The following MID1 variants were observed in gnomAD, a reference collection of about 807,000 sequenced individuals.
MID1 encodes E3 ubiquitin-protein ligase Midline-1.
In MID1, 7 loss-of-function variants were observed where a neutral mutation model predicts 40.4. That is an observed-to-expected ratio of 0.17 (90% CI 0.10 to 0.33). MID1 has a LOEUF of 0.33. Ranked by LOEUF, MID1 falls within the 10% of genes least tolerant of loss-of-function variation. MID1 has a pLI of 1.00. For missense variants in MID1, 367 were observed against 558.5 expected (o/e 0.66, Z 3.46); for synonymous variants, 229 against 221.2 (o/e 1.04, Z -0.31).
chrX:10,471,598 T>C (rs1929711577), intron 6 of MID1, among the ~76,000 whole-genome samples: 1 of 112,178 alleles, frequency 8.9e-6, no homozygotes, highest in African/African-American at 3.2e-5. Context: ...GACTTGGATG[T>C]GCATGAATCA....
intron 1 of MID1, among the ~76,000 whole-genome samples, chrX:10,727,540 G>A (rs7879530): frequency 0.077 from 8,664 of 111,866 alleles, 834 homozygotes; most frequent in African/African-American, 0.26. Context: ...AGGGAACTTC[G>A]CAATTTTTTT....
chrX:10,799,743 G>A (rs2043992896), intron 1 of MID1, among the ~76,000 whole-genome samples: 1 of 104,858 alleles, frequency 9.5e-6, no homozygotes, highest in South Asian at 3.8e-4. Context: ...CCACTATGTG[G>A]GAGACCAACA....
chrX:10,612,920 C>T (rs894137886), intron 1 of MID1, among the ~76,000 whole-genome samples: 9 of 112,000 alleles, frequency 8.0e-5, no homozygotes, highest in Non-Finnish European at 1.7e-4. Context: ...TGTGCTAAAA[C>T]GTCAACCCAG....
chrX:10,585,206 T>G (rs1935112887), intron 1 of MID1, among the ~76,000 whole-genome samples: 1 of 111,428 alleles, frequency 9.0e-6, no homozygotes, highest in Admixed American at 9.5e-5. Flanking sequence ...GCTACCTGCC[T>G]TTAGTTTTGC....
At chrX:10,541,350 AC>A (rs1341666027) in intron 2 of MID1, among the ~76,000 whole-genome samples, 1 of 106,494 alleles carries the variant, frequency 9.4e-6, no homozygotes, top group Non-Finnish European at 1.9e-5. Context: ...CCCTCCCACC[AC>A]CCCCCAGTAA....
chrX:10,704,735 TATATACAC>T (rs1296637525), intron 1 of MID1, among the ~76,000 whole-genome samples: 2 of 84,906 alleles, frequency 2.4e-5, no homozygotes, highest in East Asian at 3.3e-4. Flanking sequence ...TATATATATA[TATATACAC>T]ACACACACAC....
intron 1 of MID1, among the ~76,000 whole-genome samples, chrX:10,584,803 G>A (rs1271777387): frequency 1.8e-5 from 2 of 111,769 alleles, no homozygotes; most frequent in African/African-American, 3.3e-5. Flanking sequence ...GTAGCAGGAC[G>A]AGCCGCAGAC....
intron 1 of MID1, among the ~76,000 whole-genome samples, chrX:10,816,752 A>T (rs981375165): frequency 6.2e-5 from 7 of 112,525 alleles, no homozygotes; most frequent in Admixed American, 5.6e-4. Context: ...AAAGTAATTT[A>T]GTATTGCCAT....
chrX:10,798,644 C>A (rs1231821590), intron 1 of MID1, among the ~76,000 whole-genome samples: 1 of 111,438 alleles, frequency 9.0e-6, no homozygotes, highest in African/African-American at 3.3e-5. Context: ...ACATCTTTAC[C>A]CACTCTGAGC....
chrX:10,650,411 AGTT>A (rs201645000), intron 1 of MID1, among the ~76,000 whole-genome samples: 7,727 of 110,141 alleles, frequency 0.07, 384 homozygotes, highest in African/African-American at 0.17. Flanking sequence ...CACAGGCTGA[AGTT>A]GTTCTCTAAA....
Position 10,448,993 on chromosome X carries a change from CA to C in MID1, c.*374del, listed in dbSNP as rs1234968640. ...AGAAGATGAGTAACATACAAAACTA[CA>C]AAAGTTTTTGTTTTTTTGTAAGCCC... On this transcript the variant is annotated 3_prime_UTR_variant, in exon 10 of 10. Coordinates refer to ENST00000317552, the MANE Select transcript of MID1 (RefSeq NM_000381.4). The C allele has an allele frequency of 6.3e-6, 1 of 158,830 alleles. No individual in the cohort carries two copies. Among genetic ancestry groups the C allele is most frequent in the Admixed American group, 7.1e-5 (1 of 14,041 alleles). The allele number at this position is 158,830 out of a possible 1,213,427, so 13.1% of individuals were successfully genotyped here.
At chrX:10,690,659 C>T (rs2043126840) in intron 1 of MID1, among the ~76,000 whole-genome samples, 2 of 111,528 alleles carry the variant, frequency 1.8e-5, no homozygotes, top group Admixed American at 1.9e-4. Context: ...GGGTTCAGGT[C>T]CTGTGTGATC....
chrX:10,445,782 A>G lies in MID1; in HGVS notation c.*3586T>C, dbSNP rs1569263703. The G allele has an allele frequency of 8.9e-6, 1 of 111,814 alleles. No individual in the cohort carries two copies. The highest frequency in any genetic ancestry group is 1.9e-5 in the Non-Finnish European group (1 of 53,207). 9.2% of individuals were successfully genotyped at this position (111,814 alleles called of 1,213,427 possible). On this transcript the variant is annotated 3_prime_UTR_variant, in exon 10 of 10. Transcript: ENST00000317552. ...TACACAGGCTTGGATTGCTTTTCAG[A>G]TATCAGATTTTTGGAACTATTTTAT...
chrX:10,606,415 C>T (rs1001907436), intron 1 of MID1, among the ~76,000 whole-genome samples: 8 of 110,904 alleles, frequency 7.2e-5, no homozygotes, highest in African/African-American at 2.6e-4. Context: ...GCCATGTAGA[C>T]ATAATTTAAA....
intron 1 of MID1, among the ~76,000 whole-genome samples, chrX:10,760,869 C>T (rs913154119): frequency 1.8e-5 from 2 of 111,281 alleles, no homozygotes; most frequent in African/African-American, 6.5e-5. Flanking sequence ...ACGGAAAAAC[C>T]CCATCATTGC....
chrX:10,630,756 G>A (rs1047664861), intron 1 of MID1, among the ~76,000 whole-genome samples: 1 of 111,523 alleles, frequency 9.0e-6, no homozygotes, highest in Non-Finnish European at 1.9e-5. Flanking sequence ...AGATGATGGT[G>A]GATTGGGACG....
intron 4 of MID1, among the ~76,000 whole-genome samples, chrX:10,489,696 GTT>G (rs778434207): frequency 4.2e-5 from 4 of 95,481 alleles, no homozygotes; most frequent in Admixed American, 2.3e-4. Flanking sequence ...TATTTTCAAA[GTT>G]TTTTTTTTTT....
intron 1 of MID1, among the ~76,000 whole-genome samples, chrX:10,817,416 C>T (rs940078675): frequency 6.3e-5 from 7 of 111,324 alleles, no homozygotes; most frequent in African/African-American, 2.3e-4. Context: ...GATAGGTAGA[C>T]TTCAGCAATG....
intron 2 of MID1, among the ~76,000 whole-genome samples, chrX:10,562,835 C>A (rs1454375121): frequency 1.9e-5 from 2 of 105,972 alleles, no homozygotes; most frequent in Non-Finnish European, 3.8e-5. Flanking sequence ...AAATACTGGT[C>A]ACTTGAATTT....
Sources: gnomAD v4.1 joint callset for allele counts (sites outside exome capture counted in the v4.1 genomes callset) on GRCh38, gnomAD v4.1.1 for gene constraint, MANE v1.5 for transcripts, NCBI Gene and HGNC (gene_info 2026-07-23, HGNC 2026-07-21) for gene names.